Variants in RCOR1 observed in about 807,000 individuals in gnomAD.
RCOR1 encodes REST corepressor 1.
Under a neutral mutation model 64.0 loss-of-function variants are expected in RCOR1, and 12 were observed. The ratio of observed to expected loss-of-function variants is 0.19; its 90% CI spans 0.12 to 0.30. The LOEUF is 0.30. Among genes scored for constraint, RCOR1 ranks in the 10% least tolerant of loss-of-function variants. RCOR1 has a pLI of 1.00. For missense variants in RCOR1, 502 were observed against 621.2 expected (o/e 0.81, Z 2.04); for synonymous variants, 279 against 227.2 (o/e 1.23, Z -2.05).
chr14:102,659,202 A>C, intron 2 of RCOR1: 1 of 984,756 alleles, frequency 1.0e-6, no homozygotes, highest in African/African-American at 1.7e-5. Context: ...AAATACTTAG[A>C]TAAATTACTG....
chr14:102,642,122 T>A (rs1894382201), intron 2 of RCOR1, among the ~76,000 whole-genome samples: 1 of 152,156 alleles, frequency 6.6e-6, no homozygotes, highest in Admixed American at 6.6e-5. Flanking sequence ...TGTTTAGTTT[T>A]TACCTCTTTC....
At position 102,616,787 on chromosome 14, in the gene RCOR1, C is replaced by A. The variant is rs193154006; in HGVS notation, c.361+23462C>A. Among the ~76,000 whole-genome samples, 6 of 152,222 alleles carry A rather than the reference C, an allele frequency of 3.9e-5. No individual in the cohort carries two copies. In the East Asian group the frequency reaches 7.7e-4, roughly 20 times the overall value. On this transcript the variant is annotated intron_variant, in intron 2 of 11. Transcript: ENST00000262241. The stretch of plus-strand genomic sequence containing the variant: ...TCAGCTCCCTGCAAGCTCTCTGAAC[C>A]CAATCCTTTCAGGTTTTTATGAAGG...
At chr14:102,683,079 T>A (rs1297894572) in intron 3 of RCOR1, among the ~76,000 whole-genome samples, 1 of 152,232 alleles carries the variant, frequency 6.6e-6, no homozygotes, top group African/African-American at 2.4e-5. Flanking sequence ...ATCTTATTTT[T>A]CATAGACCTA....
chr14:102,720,652 T>A (rs1025981578), intron 8 of RCOR1, among the ~76,000 whole-genome samples: 1 of 152,202 alleles, frequency 6.6e-6, no homozygotes, highest in African/African-American at 2.4e-5. Flanking sequence ...TTACTTCAGT[T>A]CAATCCTATG....
Position 102,707,418 on chromosome 14 carries a change from C to A in RCOR1, c.566C>A (p.Thr189Asn). Residue 189 changes from threonine (T) to asparagine (N), a missense_variant, in exon 5 of 12, where the codon ACC becomes AAC. Around this residue, in one of 2 missense-constraint regions of RCOR1, gnomAD observed 260 missense variants for 416.4 expected, o/e 0.62. Coordinates refer to ENST00000262241, the MANE Select transcript of RCOR1 (RefSeq NM_015156.4). ...EKSLADLPNF[T>N]PFPDEWTVED... ...TCATTGGCTGATTTGCCCAACTTTACCCCTTTCCCAGATGAGTGGACTGTG... is the reference window on the plus strand; with the variant it reads ...TCATTGGCTGATTTGCCCAACTTTAACCCTTTCCCAGATGAGTGGACTGTG... The A allele has an allele frequency of 1.2e-6, 2 of 1,613,376 alleles. No homozygotes were observed. Among genetic ancestry groups the A allele is most frequent in the Non-Finnish European group, 1.7e-6 (2 of 1,179,628 alleles).
At chr14:102,674,813 G>A (rs1895105581) in intron 2 of RCOR1, among the ~76,000 whole-genome samples, 1 of 152,110 alleles carries the variant, frequency 6.6e-6, no homozygotes, top group African/African-American at 2.4e-5. Flanking sequence ...GGTGGCTCAT[G>A]CCTGTAATCC....
At chr14:102,677,346 C>A (rs1487910702) in intron 2 of RCOR1, among the ~76,000 whole-genome samples, 3 of 141,246 alleles carry the variant, frequency 2.1e-5, no homozygotes, top group African/African-American at 5.7e-5. Flanking sequence ...CTGACCCCCC[C>A]CCCACCTCCC....
intron 8 of RCOR1, among the ~76,000 whole-genome samples, chr14:102,718,788 G>C (rs1896119132): frequency 6.6e-6 from 1 of 151,972 alleles, no homozygotes; most frequent in Non-Finnish European, 1.5e-5. Context: ...GGGGGGAAGG[G>C]GGCGTATTTT....
At chr14:102,640,154 T>C (rs1894337314) in intron 2 of RCOR1, among the ~76,000 whole-genome samples, 1 of 152,082 alleles carries the variant, frequency 6.6e-6, no homozygotes, top group African/African-American at 2.4e-5. Context: ...CATATATATA[T>C]GTATTTTTTA....
chr14:102,654,167 A>G (rs1014874987), intron 2 of RCOR1, among the ~76,000 whole-genome samples: 2 of 150,942 alleles, frequency 1.3e-5, no homozygotes, highest in Non-Finnish European at 2.9e-5. Context: ...TTGTATTTTT[A>G]GTAGAGACAG....
intron 2 of RCOR1, among the ~76,000 whole-genome samples, chr14:102,598,690 C>T (rs563962830): frequency 1.1e-4 from 17 of 151,576 alleles, no homozygotes; most frequent in African/African-American, 2.2e-4. Flanking sequence ...CCTCGTGATC[C>T]GCCCGCCTCG....
intron 2 of RCOR1, chr14:102,662,836 A>G (rs767938361): frequency 2.8e-5 from 5 of 180,990 alleles, no homozygotes; most frequent in African/African-American, 9.6e-5. Context: ...CACTTGATGA[A>G]TAACTTTGTA....
At chr14:102,678,368 T>C (rs1340562151) in intron 2 of RCOR1, among the ~76,000 whole-genome samples, 1 of 152,102 alleles carries the variant, frequency 6.6e-6, no homozygotes. Flanking sequence ...GGCGCGATCT[T>C]GGCTCACTGC....
intron 2 of RCOR1, among the ~76,000 whole-genome samples, chr14:102,615,757 T>C (rs1329630456): frequency 6.6e-6 from 1 of 152,206 alleles, no homozygotes; most frequent in Non-Finnish European, 1.5e-5. Flanking sequence ...CCATTAATTC[T>C]TTTTTAAGAA....
intron 2 of RCOR1, among the ~76,000 whole-genome samples, chr14:102,675,351 A>C (rs1895122526): frequency 6.6e-6 from 1 of 152,210 alleles, no homozygotes; most frequent in Admixed American, 6.5e-5. Context: ...CTTCCTATGC[A>C]TACATACCTA....
chr14:102,640,163 TA>T (rs1400337326), intron 2 of RCOR1, among the ~76,000 whole-genome samples: 5 of 152,032 alleles, frequency 3.3e-5, no homozygotes, highest in African/African-American at 1.2e-4. Flanking sequence ...ATGTATTTTT[TA>T]TTTGAGTTTG....
chr14:102,639,932 C>T (rs1035373335), intron 2 of RCOR1, among the ~76,000 whole-genome samples: 5 of 152,086 alleles, frequency 3.3e-5, no homozygotes, highest in African/African-American at 1.2e-4. Context: ...CTGCAACCTC[C>T]GCCTCCTGGG....
intron 7 of RCOR1, among the ~76,000 whole-genome samples, chr14:102,711,855 CT>C (rs1895967220): frequency 6.6e-6 from 1 of 152,204 alleles, no homozygotes; most frequent in African/African-American, 2.4e-5. Context: ...TCCATAATCA[CT>C]GTCAACCTTT....
In RCOR1 at chr14:102,592,673, A is replaced by T; in HGVS notation, c.-214A>T. 8.2e-7 allele frequency: 1 copy of T among 1,212,638 alleles called. No individual in the cohort carries two copies. The highest frequency in any genetic ancestry group is 1.6e-5 in the African/African-American group (1 of 62,986). The allele number at this position is 1,212,638 out of a possible 1,614,324, so 75.1% of individuals were successfully genotyped here. A position where few individuals can be genotyped will look rare whatever the true frequency, so the allele number is the denominator to read the frequency against. On this transcript the variant is annotated 5_prime_UTR_variant, in exon 1 of 12. An upstream start codon of the reference 5' UTR is lost. Coordinates refer to ENST00000262241, the MANE Select transcript of RCOR1 (RefSeq NM_015156.4). ...TGGTGCCAGTGAAGTGAGGGCGGCG[A>T]TGAGAGCGAAAGTTGCGCTCGGCTC...
Sources: gnomAD v4.1 joint callset for allele counts (sites outside exome capture counted in the v4.1 genomes callset) on GRCh38, gnomAD v4.1.1 for gene constraint, gnomAD v4.1.1 regional missense constraint, MANE v1.5 for transcripts, NCBI Gene and HGNC (gene_info 2026-07-23, HGNC 2026-07-21) for gene names.